The following SORCS1 variants were observed in gnomAD, a reference collection of about 807,000 sequenced individuals.
SORCS1 encodes VPS10 domain-containing receptor SorCS1.
In SORCS1, 60 loss-of-function variants were observed where a neutral mutation model predicts 146.1. The observed-to-expected ratio is 0.41, with a 90% CI of 0.33 to 0.51. The LOEUF (loss-of-function observed/expected upper bound fraction) is 0.51, where lower values mean the gene tolerates loss of function less well. SORCS1 is among the 20% of genes least tolerant of loss of function. The pLI is 0.21. For synonymous variants in SORCS1, 637 were observed against 584.0 expected, an observed-to-expected ratio of 1.09 and a Z score of -1.31; for missense variants, 1,352 against 1,487.6, an observed-to-expected ratio of 0.91 and a Z score of 1.50.
chr10:107,123,292 C>T (rs2134560386), intron 1 of SORCS1, among the ~76,000 whole-genome samples: 1 of 152,202 alleles, frequency 6.6e-6, no homozygotes, highest in South Asian at 2.1e-4. Context: ...ACTAGATGAA[C>T]TAATATGCAT....
Position 106,659,155 on chromosome 10 carries a change from A to G in SORCS1, c.2304-6602T>C, listed in dbSNP as rs117885402. On this transcript the variant is annotated intron_variant, in intron 17 of 25. Coordinates refer to ENST00000263054, the MANE Select transcript of SORCS1 (RefSeq NM_052918.5). ...CATGGCTGGCTAAGCAGGCTTTCCA[A>G]GTTTCTCTCTTCAAGGCAACAGCTC... is the stretch of plus-strand genomic sequence containing the variant. Among the ~76,000 whole-genome samples the G allele has an allele frequency of 7.5e-4, 114 of 152,372 alleles. No individual in the cohort carries two copies. The East Asian group carries it at 0.02, about 27-fold the overall frequency.
chr10:107,067,897 A>C (rs1226412181), intron 1 of SORCS1, among the ~76,000 whole-genome samples: 1 of 152,210 alleles, frequency 6.6e-6, no homozygotes, highest in Non-Finnish European at 1.5e-5. Context: ...GCACATTAAG[A>C]GTGCTATCTC....
chr10:106,772,003 G>A (rs974266400), intron 4 of SORCS1, among the ~76,000 whole-genome samples: 5 of 152,200 alleles, frequency 3.3e-5, no homozygotes, highest in African/African-American at 4.8e-5. Context: ...TGGCAACTAT[G>A]ATGGTGGTCA....
At chr10:107,164,841 C>G (rs1176424954), upstream of SORCS1, among the ~76,000 whole-genome samples, 1 of 146,836 alleles carries the variant, frequency 6.8e-6, no homozygotes, top group African/African-American at 2.5e-5. The surrounding 1 kb of genome is among the most constrained non-coding windows in gnomAD (Gnocchi z 6.8). Context: ...CTCCGGGCGC[C>G]GCGTCCCGCG....
At chr10:106,608,657 T>C (rs1420073460) in intron 22 of SORCS1, among the ~76,000 whole-genome samples, 2 of 152,162 alleles carry the variant, frequency 1.3e-5, no homozygotes, top group Admixed American at 6.6e-5. Context: ...GCAAATATGA[T>C]TACACCTCAC....
chr10:106,704,380 A>G (rs1409103207), intron 8 of SORCS1, among the ~76,000 whole-genome samples: 1 of 152,158 alleles, frequency 6.6e-6, no homozygotes, highest in Non-Finnish European at 1.5e-5. Flanking sequence ...ATTTCCACCA[A>G]AACTTATGTC....
At chr10:106,610,655 C>A (rs1303832507) in intron 22 of SORCS1, among the ~76,000 whole-genome samples, 1 of 152,120 alleles carries the variant, frequency 6.6e-6, no homozygotes, top group South Asian at 2.1e-4. Flanking sequence ...TTCAGCAAAC[C>A]TAAACTGATT....
At chr10:107,043,758 T>C (rs1959192399) in intron 1 of SORCS1, among the ~76,000 whole-genome samples, 1 of 152,158 alleles carries the variant, frequency 6.6e-6, no homozygotes, top group Non-Finnish European at 1.5e-5. Flanking sequence ...GCCTACTAAA[T>C]TCGGCAATGG....
chr10:106,797,146 C>T (rs1381231015), intron 3 of SORCS1, among the ~76,000 whole-genome samples: 1 of 152,040 alleles, frequency 6.6e-6, no homozygotes, highest in East Asian at 1.9e-4. Flanking sequence ...ATGTACCTTT[C>T]TCAGACAGGA....
chr10:106,761,541 C>G (rs1402217604), intron 5 of SORCS1, 47 bp downstream of exon 5: 2 of 1,538,338 alleles, frequency 1.3e-6, no homozygotes, highest in African/African-American at 2.7e-5. Flanking sequence ...TAGGTCATAT[C>G]TGACTAGGTC....
intron 1 of SORCS1, among the ~76,000 whole-genome samples, chr10:107,104,804 C>T (rs780681316): frequency 6.6e-5 from 10 of 152,120 alleles, no homozygotes; most frequent in African/African-American, 1.4e-4. Context: ...TTCAGAGACA[C>T]GTGAGGTTCT....
chr10:106,850,167 G>A (rs1949495009), intron 2 of SORCS1, among the ~76,000 whole-genome samples: 1 of 151,634 alleles, frequency 6.6e-6, no homozygotes, highest in Non-Finnish European at 1.5e-5. Context: ...GGGCAATGGC[G>A]GGCGCCCCTC....
intron 3 of SORCS1, among the ~76,000 whole-genome samples, chr10:106,820,418 T>G (rs1360194099): frequency 6.6e-6 from 1 of 152,036 alleles, no homozygotes; most frequent in African/African-American, 2.4e-5. Flanking sequence ...CCCAGTAAAG[T>G]AGGGAAGTGA....
chr10:106,816,610 ATTATT>A (rs1301445092), intron 3 of SORCS1, among the ~76,000 whole-genome samples: 2 of 152,126 alleles, frequency 1.3e-5, no homozygotes, highest in African/African-American at 2.4e-5. Context: ...TTTTTTCCTA[ATTATT>A]TTATTTATTT....
intron 24 of SORCS1, among the ~76,000 whole-genome samples, chr10:106,591,096 C>T (rs56056745): frequency 0.029 from 4,426 of 152,170 alleles, 71 homozygotes; most frequent in Middle Eastern, 0.051. Flanking sequence ...GTCCAAGGTA[C>T]GTGACCATGA....
At chr10:106,972,537 T>C (rs1278754360) in intron 1 of SORCS1, among the ~76,000 whole-genome samples, 1 of 152,002 alleles carries the variant, frequency 6.6e-6, no homozygotes, top group Non-Finnish European at 1.5e-5. Flanking sequence ...TTTCTTCTTT[T>C]TTTTTTTGGC....
intron 2 of SORCS1, among the ~76,000 whole-genome samples, chr10:106,862,359 A>C (rs1950046859): frequency 6.6e-6 from 1 of 152,136 alleles, no homozygotes; most frequent in African/African-American, 2.4e-5. Context: ...ATGCTTGCCT[A>C]TTTGTGCATA....
intron 3 of SORCS1, among the ~76,000 whole-genome samples, chr10:106,797,702 C>A (rs896859540): frequency 3.0e-4 from 46 of 152,244 alleles, no homozygotes; most frequent in African/African-American, 1.1e-3. Context: ...TCTATACCAG[C>A]CCCAGCAGAT....
chr10:106,821,932 A>T lies in SORCS1; in HGVS notation c.726+7642T>A, dbSNP rs564628316. Among the ~76,000 whole-genome samples, 14 of 152,042 alleles carry T rather than the reference A, an allele frequency of 9.2e-5. No individual in the cohort carries two copies. In the East Asian group the frequency reaches 9.7e-4, roughly 10 times the overall value. ...GCAAGACTCCATCTCAAAAAAATAA[A>T]AAAAAAAAAAAGTACTTAATGCCAC... On this transcript the variant is annotated intron_variant, in intron 3 of 25. Transcript: ENST00000263054.
Sources: gnomAD v4.1 joint callset for allele counts (sites outside exome capture counted in the v4.1 genomes callset) on GRCh38, gnomAD v4.1.1 for gene constraint, Gnocchi (gnomAD v3.1) non-coding constraint, MANE v1.5 for transcripts, NCBI Gene and HGNC (gene_info 2026-07-23, HGNC 2026-07-21) for gene names.